PDK1: variants seen among roughly 807,000 people sequenced by gnomAD.
PDK1 encodes the protein pyruvate dehydrogenase kinase 1, also known as [Pyruvate dehydrogenase (acetyl-transferring)] kinase isozyme 1, mitochondrial.
Under a neutral mutation model 54.2 loss-of-function variants are expected in PDK1, and 39 were observed. The ratio of observed to expected loss-of-function variants is 0.72; its 90% confidence interval spans 0.56 to 0.94. The LOEUF is 0.94. Ranked by LOEUF, PDK1 falls within the 40% of genes least tolerant of loss-of-function variation. PDK1 has a pLI of 0.00. For synonymous variants in PDK1, 221 were observed against 207.1 expected, an observed-to-expected ratio of 1.07 and a Z score of -0.58; for missense variants, 552 against 566.0, an observed-to-expected ratio of 0.98 and a Z score of 0.25.
At chr2:172,662,226 G>A in the PDK1 span, among the ~76,000 whole-genome samples, 2 of 152,060 alleles carry the variant, frequency 1.3e-5, no homozygotes, top group Non-Finnish European at 2.9e-5. Flanking sequence ...TACACTCAAA[G>A]ATACAATTAT....
chr2:172,683,098 G>A, the PDK1 span, among the ~76,000 whole-genome samples: 2 of 152,220 alleles, frequency 1.3e-5, no homozygotes, highest in South Asian at 4.2e-4. Context: ...TGTAATCCCA[G>A]CACTTTGGGA....
chr2:172,690,279 T>C, the PDK1 span, among the ~76,000 whole-genome samples: 1 of 150,296 alleles, frequency 6.7e-6, no homozygotes. Flanking sequence ...ACCAGAGAAA[T>C]GCAAATCAAA....
chr2:172,622,251 ATC>A, the PDK1 span, among the ~76,000 whole-genome samples: 68 of 144,310 alleles, frequency 4.7e-4, 1 homozygote, highest in Middle Eastern at 0.017. Context: ...AGATGTTTAT[ATC>A]TCATATTATG....
chr2:172,674,976 A>AT, the PDK1 span: 2 of 152,152 alleles, frequency 1.3e-5, no homozygotes, highest in African/African-American at 4.8e-5. Flanking sequence ...AATATTTCAC[A>AT]TTTGCCACCA....
rs1166287026 is a variant in PDK1 at position 172,598,422 on chromosome 2, T to C, written c.*2453T>C. The C allele has an allele frequency of 6.6e-6, 1 of 152,236 alleles. No homozygotes were observed. Among genetic ancestry groups the C allele is most frequent in the South Asian group, 2.1e-4 (1 of 4,836 alleles). 9.4% of individuals were successfully genotyped at this position (152,236 alleles called of 1,614,324 possible). A position where few individuals can be genotyped will look rare whatever the true frequency, so the allele number is the denominator to read the frequency against. On this transcript the variant is annotated 3_prime_UTR_variant, in exon 11 of 11. Transcript: ENST00000282077. The stretch of plus-strand genomic sequence containing the variant: ...ATACAAAAATATTCTGGGAGAGCTT[T>C]TTCCTAGTTGGTTTTAAATCATTGT...
intron 7 of PDK1, among the ~76,000 whole-genome samples, 185 bp downstream of exon 7, chr2:172,569,002 C>G (rs1475780532): frequency 1.3e-5 from 2 of 152,154 alleles, no homozygotes; most frequent in Non-Finnish European, 2.9e-5. Context: ...GTGGTGAGCT[C>G]AGACTATGGA....
intron 2 of PDK1, among the ~76,000 whole-genome samples, chr2:172,560,608 A>T (rs1362346664): frequency 2.0e-5 from 3 of 152,212 alleles, no homozygotes; most frequent in Admixed American, 6.5e-5. Context: ...AGAATGATGA[A>T]ATATATGAAA....
At chr2:172,573,363 C>G (rs565313590) in intron 8 of PDK1, among the ~76,000 whole-genome samples, 158 of 152,142 alleles carry the variant, frequency 1.0e-3, no homozygotes, top group Middle Eastern at 3.4e-3. Flanking sequence ...TTTTCATTTG[C>G]TGATCGGCCA....
chr2:172,709,472 C>G, the PDK1 span, among the ~76,000 whole-genome samples: 1 of 152,234 alleles, frequency 6.6e-6, no homozygotes, highest in Non-Finnish European at 1.5e-5. Flanking sequence ...AGGCAACGCT[C>G]ATCCCAAATA....
At chr2:172,712,876 G>A in the PDK1 span, among the ~76,000 whole-genome samples, 2 of 152,206 alleles carry the variant, frequency 1.3e-5, no homozygotes, top group Admixed American at 1.3e-4. Flanking sequence ...GAAGAATGAG[G>A]TATGCAGATA....
the PDK1 span, among the ~76,000 whole-genome samples, chr2:172,649,410 A>C: frequency 1.3e-5 from 2 of 152,340 alleles, no homozygotes; most frequent in African/African-American, 4.8e-5. Context: ...AAATTCTAAA[A>C]ATCAGAGTGC....
chr2:172,612,835 T>C (rs1172023857), downstream of PDK1, among the ~76,000 whole-genome samples: 1 of 152,146 alleles, frequency 6.6e-6, no homozygotes, highest in Non-Finnish European at 1.5e-5. Flanking sequence ...AATTTTTGTA[T>C]TTTTAGTGGA....
At chr2:172,680,985 T>C in the PDK1 span, among the ~76,000 whole-genome samples, 1 of 152,344 alleles carries the variant, frequency 6.6e-6, no homozygotes, top group African/African-American at 2.4e-5. Flanking sequence ...GAAGTATAAA[T>C]TATGGCAAGA....
At chr2:172,704,654 C>A in the PDK1 span, among the ~76,000 whole-genome samples, 1 of 152,142 alleles carries the variant, frequency 6.6e-6, no homozygotes, top group Non-Finnish European at 1.5e-5. Flanking sequence ...TCACAAAAAC[C>A]CAGATGCTTA....
chr2:172,558,011 G>A (rs1048232609), intron 1 of PDK1: 1 of 149,598 alleles, frequency 6.7e-6, no homozygotes, highest in African/African-American at 2.5e-5. Flanking sequence ...TTTATTTTCT[G>A]TATATGTGAG....
At chr2:172,687,541 C>T in the PDK1 span, among the ~76,000 whole-genome samples, 25 of 152,270 alleles carry the variant, frequency 1.6e-4, no homozygotes, top group African/African-American at 6.0e-4. Context: ...TCATACTCAT[C>T]CTCTTTTTCC....
chr2:172,638,604 C>A, the PDK1 span, among the ~76,000 whole-genome samples: 1 of 152,144 alleles, frequency 6.6e-6, no homozygotes, highest in Non-Finnish European at 1.5e-5. Context: ...AGAGGTGAAG[C>A]TGGCTGGGCT....
At chr2:172,640,714 A>G in the PDK1 span, among the ~76,000 whole-genome samples, 1 of 152,208 alleles carries the variant, frequency 6.6e-6, no homozygotes, top group African/African-American at 2.4e-5. Flanking sequence ...AGAGGTGATA[A>G]TATGTTAAAA....
the PDK1 span, among the ~76,000 whole-genome samples, chr2:172,659,248 G>T: frequency 6.6e-6 from 1 of 152,120 alleles, no homozygotes; most frequent in Non-Finnish European, 1.5e-5. Flanking sequence ...ACGGGGGGCG[G>T]TTTCCCCCGA....
Sources: gnomAD v4.1 joint callset for allele counts (sites outside exome capture counted in the v4.1 genomes callset) on GRCh38, gnomAD v4.1.1 for gene constraint, MANE v1.5 for transcripts, NCBI Gene and HGNC (gene_info 2026-07-23, HGNC 2026-07-21) for gene names.